PTPRJ: variants seen among roughly 807,000 people sequenced by gnomAD.
PTPRJ encodes the protein protein tyrosine phosphatase receptor type J.
In PTPRJ, 129 loss-of-function variants were observed where a neutral mutation model predicts 141.3. That is an observed-to-expected ratio of 0.91 (90% CI 0.79 to 1.06). The LOEUF is 1.06. Ranked by LOEUF, PTPRJ falls within the 50% of genes least tolerant of loss-of-function variation. The pLI, the probability that PTPRJ is intolerant of heterozygous loss-of-function variation, is 0.00. For synonymous variants in PTPRJ, 610 were observed against 640.5 expected, an observed-to-expected ratio of 0.95 and a Z score of 0.72; for missense variants, 1,601 against 1,679.7, an observed-to-expected ratio of 0.95 and a Z score of 0.82.
In PTPRJ at chr11:48,133,848, A is replaced by G. The variant is rs182688419; in HGVS notation, c.1616-2191A>G. 4.6e-5 allele frequency among the ~76,000 whole-genome samples: 7 copies of G among 152,346 alleles called. No homozygotes were observed. In the East Asian group the frequency reaches 9.6e-4, roughly 21 times the overall value. On this transcript the variant is annotated intron_variant, in intron 8 of 24. Transcript: ENST00000418331. ...AGGACATTATGCTAAGTGAAGCCAG[A>G]CACAGAAGGACAAATACTGGATGAT...
chr11:48,153,891 G>T lies in PTPRJ; in HGVS notation c.3229+5G>T. 1 of 1,591,672 alleles carries T rather than the reference G, an allele frequency of 6.3e-7. No homozygotes were observed. The highest frequency in any genetic ancestry group is 8.6e-7 in the Non-Finnish European group (1 of 1,159,734). On this transcript the variant is annotated splice_donor_5th_base_variant and intron_variant, in intron 19 of 24. Transcript: ENST00000418331. ...GCTATAATAATGTTCTGCCCTGTAA[G>T]TTATTTTATCTACAGCATCTTCTCT...
At chr11:48,045,360 A>T (rs1304548745) in intron 1 of PTPRJ, among the ~76,000 whole-genome samples, 1 of 152,156 alleles carries the variant, frequency 6.6e-6, no homozygotes, top group Non-Finnish European at 1.5e-5. Flanking sequence ...GTGACCCTGG[A>T]CTATGAATAT....
intron 1 of PTPRJ, among the ~76,000 whole-genome samples, chr11:47,995,041 T>A (rs1279506937): frequency 6.6e-6 from 1 of 152,222 alleles, no homozygotes; most frequent in Non-Finnish European, 1.5e-5. Context: ...TGTATAACTG[T>A]TAGCTGTTGC....
chr11:48,020,738 T>C (rs1220657666), intron 1 of PTPRJ, among the ~76,000 whole-genome samples: 1 of 151,966 alleles, frequency 6.6e-6, no homozygotes, highest in Admixed American at 6.6e-5. Flanking sequence ...ACGGACTGAG[T>C]TGGGTCCCAA....
chr11:48,142,457 G>A lies in PTPRJ; in HGVS notation c.2444-462G>A, dbSNP rs752724064. ...GTGTCAAGTCTTCCAACAATGTGAAGTCTTCCAATCCATGAGCATGGGATG... is the reference window on the plus strand; with the variant it reads ...GTGTCAAGTCTTCCAACAATGTGAAATCTTCCAATCCATGAGCATGGGATG... On this transcript the variant is annotated intron_variant, in intron 11 of 24. Transcript: ENST00000418331. 4.3e-4 allele frequency among the ~76,000 whole-genome samples: 65 copies of A among 152,116 alleles called. 1 individual carries two copies. The highest frequency in any genetic ancestry group is 3.2e-3 in the Middle Eastern group (1 of 316).
intron 1 of PTPRJ, among the ~76,000 whole-genome samples, chr11:48,034,328 A>G (rs1293641377): frequency 2.6e-5 from 4 of 152,174 alleles, no homozygotes; most frequent in Non-Finnish European, 5.9e-5. Context: ...GAAACCTTTA[A>G]GAAAGGAGGG....
At chr11:48,010,422 G>T (rs1210076986) in intron 1 of PTPRJ, among the ~76,000 whole-genome samples, 1 of 149,502 alleles carries the variant, frequency 6.7e-6, no homozygotes, top group African/African-American at 2.5e-5. Context: ...CAAGTGATCC[G>T]CCCGTCTCAG....
In PTPRJ at chr11:47,980,603, C is replaced by T. The variant is rs941220245; in HGVS notation, c.-310C>T. The T allele has an allele frequency of 4.1e-6, 4 of 983,230 alleles. No homozygotes were observed. Among genetic ancestry groups the T allele is most frequent in the African/African-American group, 1.8e-5 (1 of 57,018 alleles). The allele number at this position is 983,230 out of a possible 1,614,324, so 60.9% of individuals were successfully genotyped here. On this transcript the variant is annotated 5_prime_UTR_variant, in exon 1 of 25. Transcript: ENST00000418331. ...GCGGAGGAGGCAGCGGGAGCAGCCG[C>T]GGGAGCCGGGACCGGGTAGCCGCGC...
At chr11:47,982,607 C>T (rs1014108979) in intron 1 of PTPRJ, among the ~76,000 whole-genome samples, 1 of 151,618 alleles carries the variant, frequency 6.6e-6, no homozygotes, top group Non-Finnish European at 1.5e-5. Context: ...CAGAAAACCC[C>T]CAAACTTAAA....
chr11:48,164,267 G>T, intron 23 of PTPRJ, 113 bp from the exon 24 acceptor site: 1 of 1,317,782 alleles, frequency 7.6e-7, no homozygotes. Context: ...CCTGTGCATT[G>T]CCCTCAAAGT....
At chr11:48,103,543 T>C (rs1856207898) in intron 1 of PTPRJ, among the ~76,000 whole-genome samples, 1 of 152,186 alleles carries the variant, frequency 6.6e-6, no homozygotes, top group African/African-American at 2.4e-5. Context: ...AAATAGTGAA[T>C]CACATCAAAT....
chr11:48,133,828 A>G (rs542546428), intron 8 of PTPRJ, among the ~76,000 whole-genome samples: 1 of 152,370 alleles, frequency 6.6e-6, no homozygotes, highest in East Asian at 1.9e-4. Context: ...TCTTGAGGAC[A>G]TTATGCTAAG....
intron 1 of PTPRJ, among the ~76,000 whole-genome samples, chr11:47,990,632 G>A (rs948394742): frequency 6.6e-6 from 1 of 151,058 alleles, no homozygotes; most frequent in African/African-American, 2.4e-5. Flanking sequence ...GGCTGGTCTG[G>A]AACTGCTGAC....
intron 5 of PTPRJ, among the ~76,000 whole-genome samples, chr11:48,124,261 A>G (rs1384783248): frequency 1.3e-5 from 2 of 152,224 alleles, no homozygotes; most frequent in African/African-American, 4.8e-5. Context: ...TCCCCAGGAT[A>G]ACTCCATGAG....
intron 1 of PTPRJ, chr11:48,044,964 C>T (rs1452614815): frequency 6.6e-6 from 1 of 152,246 alleles, no homozygotes; most frequent in Non-Finnish European, 1.5e-5. Flanking sequence ...GAATTTTGTT[C>T]TTCTCTTTGC....
At chr11:47,991,892 A>G (rs1414244286) in intron 1 of PTPRJ, among the ~76,000 whole-genome samples, 2 of 152,156 alleles carry the variant, frequency 1.3e-5, no homozygotes, top group East Asian at 3.9e-4. Context: ...GCATGAAAAA[A>G]TCCCTCAACA....
chr11:48,137,765 G>A (rs914603328), intron 10 of PTPRJ, among the ~76,000 whole-genome samples: 1 of 152,118 alleles, frequency 6.6e-6, no homozygotes, highest in Non-Finnish European at 1.5e-5. Flanking sequence ...GGAGGATATA[G>A]GTGGGAGGTG....
chr11:48,137,260 G>T lies in PTPRJ; in HGVS notation c.2131G>T (p.Gly711Cys), dbSNP rs959129051. The T allele has an allele frequency of 6.2e-7, 1 of 1,614,140 alleles. No homozygotes were observed. Among genetic ancestry groups the T allele is most frequent in the Admixed American group, 1.7e-5 (1 of 60,020 alleles). The change falls in exon 10 of 25, where the codon GGC becomes TGC. Residue 711 changes from glycine to cysteine, a missense_variant. By Grantham distance (159) the Gly-to-Cys change is radical (BLOSUM62 -3). Transcript: ENST00000418331. ...GGATGGGATCAAGTCACTGGAACCTGGCCGGAAGTCATTCTGTACAGGTGA... is the reference window on the plus strand; with the variant it reads ...GGATGGGATCAAGTCACTGGAACCTTGCCGGAAGTCATTCTGTACAGGTGA... Reference protein sequence around the residue: ...VGDGIKSLEPGRKSFCTDPAS... With the variant: ...VGDGIKSLEPCRKSFCTDPAS...
At chr11:48,106,763 CTTTTTT>C (rs35643138) in intron 1 of PTPRJ, among the ~76,000 whole-genome samples, 44 of 86,440 alleles carry the variant, frequency 5.1e-4, no homozygotes, top group Admixed American at 9.3e-4. Flanking sequence ...TTCTTTCTTT[CTTTTTT>C]TTTTTTTTTT....
Sources: allele counts gnomAD v4.1 joint callset (sites outside exome capture counted in the v4.1 genomes callset), GRCh38; gene constraint gnomAD v4.1.1; transcripts MANE v1.5; gene names NCBI Gene and HGNC (gene_info 2026-07-23, HGNC 2026-07-21).